GABRG3: variants seen among roughly 807,000 people sequenced by gnomAD.
The protein encoded by GABRG3 is gamma-aminobutyric acid type A receptor subunit gamma3.
In GABRG3, 25 loss-of-function variants were observed where a neutral mutation model predicts 48.8. The observed-to-expected ratio is 0.51, with a 90% CI of 0.37 to 0.72. The LOEUF is 0.72. Ranked by LOEUF, GABRG3 falls within the 30% of genes least tolerant of loss-of-function variation. The probability of loss-of-function intolerance (pLI) is 0.00; values close to 1 mark genes in which losing one functional copy is unlikely to be tolerated. For synonymous variants in GABRG3, 227 were observed against 217.6 expected, an observed-to-expected ratio of 1.04 and a Z score of -0.38; for missense variants, 394 against 577.9, an observed-to-expected ratio of 0.68 and a Z score of 3.26.
At chr15:27,155,687 C>T (rs1164244399) in intron 3 of GABRG3, among the ~76,000 whole-genome samples, 1 of 152,152 alleles carries the variant, frequency 6.6e-6, no homozygotes, top group Admixed American at 6.5e-5. Flanking sequence ...GTCTCCTAAT[C>T]ATTGCTGGAT....
At position 27,491,244 on chromosome 15, in the gene GABRG3, G is replaced by A. The variant is rs114897251; in HGVS notation, c.712+10457G>A. Among the ~76,000 whole-genome samples, 505 of 152,256 alleles carry A rather than the reference G, an allele frequency of 3.3e-3. 4 individuals carry two copies. Among genetic ancestry groups the A allele is most frequent in the African/African-American group, 0.011 (444 of 41,560 alleles). Reference sequence around the variant, plus strand: ...TGCGGCCCCTGCCTTCAGTGGCCTCGGGGCTCCCCTTCCCAGAGGGTATCC... The same window carrying A: ...TGCGGCCCCTGCCTTCAGTGGCCTCAGGGCTCCCCTTCCCAGAGGGTATCC... On this transcript the variant is annotated intron_variant, in intron 6 of 9. Transcript: ENST00000615808.
chr15:26,994,976 C>A (rs1895314132), intron 2 of GABRG3, among the ~76,000 whole-genome samples: 1 of 151,992 alleles, frequency 6.6e-6, no homozygotes, highest in Non-Finnish European at 1.5e-5. Flanking sequence ...TAAGTCTCAT[C>A]ATTTTATAGT....
chr15:27,524,878 A>G (rs1027735706), intron 7 of GABRG3, among the ~76,000 whole-genome samples: 12 of 152,172 alleles, frequency 7.9e-5, no homozygotes, highest in African/African-American at 2.9e-4. Flanking sequence ...ACTACATTCA[A>G]TGTAAATTGC....
intron 3 of GABRG3, among the ~76,000 whole-genome samples, chr15:27,177,685 A>G (rs1175215814): frequency 6.6e-6 from 1 of 152,226 alleles, no homozygotes; most frequent in Non-Finnish European, 1.5e-5. Flanking sequence ...TATAATTTTT[A>G]CAAAGACAAT....
intron 3 of GABRG3, among the ~76,000 whole-genome samples, chr15:27,177,643 T>A (rs1324810346): frequency 6.6e-6 from 1 of 152,220 alleles, no homozygotes; most frequent in Non-Finnish European, 1.5e-5. Flanking sequence ...AGAAGCAAGA[T>A]GGAGTTAACT....
intron 5 of GABRG3, among the ~76,000 whole-genome samples, chr15:27,397,235 A>G (rs1485735070): frequency 1.3e-5 from 2 of 149,974 alleles, no homozygotes; most frequent in Non-Finnish European, 2.9e-5. Flanking sequence ...TGCTGACTTG[A>G]TTTTGTAAAG....
rs377256790 is a variant in GABRG3, at chr15:27,527,401, C to T, written c.866-32C>T. The T allele has an allele frequency of 1.9e-6, 3 of 1,599,814 alleles. No homozygotes were observed. In the South Asian group the frequency reaches 3.3e-5, roughly 18 times the overall value. On this transcript the variant is annotated intron_variant, in intron 7 of 9. Transcript: ENST00000615808. Reference sequence around the variant, plus strand: ...TGGGATTCCTGTTGCGTGTTGCACCCTTTTACAACATGCTACCCGTCCCCT... The same window carrying T: ...TGGGATTCCTGTTGCGTGTTGCACCTTTTTACAACATGCTACCCGTCCCCT...
At chr15:27,452,939 A>T (rs918474916) in intron 5 of GABRG3, among the ~76,000 whole-genome samples, 2 of 152,240 alleles carry the variant, frequency 1.3e-5, no homozygotes, top group African/African-American at 4.8e-5. Flanking sequence ...GCACACACAG[A>T]CACAGGAATA....
intron 3 of GABRG3, among the ~76,000 whole-genome samples, chr15:27,082,520 G>A (rs2140745808): frequency 6.6e-6 from 1 of 152,266 alleles, no homozygotes; most frequent in Middle Eastern, 3.4e-3. Context: ...ATGACAAGGG[G>A]TGCCCTGCAT....
At chr15:27,399,033 TCTTAA>T (rs1219369009) in intron 5 of GABRG3, among the ~76,000 whole-genome samples, 1 of 152,166 alleles carries the variant, frequency 6.6e-6, no homozygotes, top group Non-Finnish European at 1.5e-5. Flanking sequence ...TGAGCTTTAG[TCTTAA>T]CTTTGAAAAT....
intron 3 of GABRG3, among the ~76,000 whole-genome samples, chr15:27,129,424 C>T (rs1897877039): frequency 6.6e-6 from 1 of 152,046 alleles, no homozygotes; most frequent in Non-Finnish European, 1.5e-5. Context: ...GTGTATATGC[C>T]ATATTTTATT....
chr15:27,448,901 C>T (rs1417407601), intron 5 of GABRG3, among the ~76,000 whole-genome samples: 1 of 151,990 alleles, frequency 6.6e-6, no homozygotes, highest in Non-Finnish European at 1.5e-5. Context: ...TCAGGGATTT[C>T]CCAAATTGTC....
intron 3 of GABRG3, among the ~76,000 whole-genome samples, chr15:27,172,336 T>G (rs529211003): frequency 6.6e-6 from 1 of 152,274 alleles, no homozygotes; most frequent in African/African-American, 2.4e-5. Context: ...TCCTTAGTTC[T>G]TAGTGTGCTT....
chr15:27,129,184 A>G (rs1897873144), intron 3 of GABRG3, among the ~76,000 whole-genome samples: 1 of 152,060 alleles, frequency 6.6e-6, no homozygotes, highest in Non-Finnish European at 1.5e-5. Context: ...TAAAACTGAA[A>G]TTTTACCTCC....
intron 3 of GABRG3, among the ~76,000 whole-genome samples, chr15:27,070,031 G>C (rs1187838946): frequency 6.6e-6 from 1 of 152,236 alleles, no homozygotes; most frequent in Non-Finnish European, 1.5e-5. Context: ...GAATTAGAGA[G>C]AGGAAGGAGA....
intron 3 of GABRG3, among the ~76,000 whole-genome samples, chr15:27,149,378 G>T (rs1023607207): frequency 6.6e-6 from 1 of 152,126 alleles, no homozygotes; most frequent in African/African-American, 2.4e-5. Flanking sequence ...TTCATGGATT[G>T]GAAGACTTAA....
intron 3 of GABRG3, among the ~76,000 whole-genome samples, chr15:27,088,958 A>G (rs1897137301): frequency 6.6e-6 from 1 of 152,168 alleles, no homozygotes. Context: ...TGCCGGGTCC[A>G]GGGCATTGAA....
intron 3 of GABRG3, among the ~76,000 whole-genome samples, chr15:27,284,533 ACAGAAC>A (rs1362046712): frequency 6.6e-6 from 1 of 152,198 alleles, no homozygotes; most frequent in African/African-American, 2.4e-5. Context: ...CACACTGTCC[ACAGAAC>A]CAGAGGAAAT....
At chr15:27,307,143 T>TA (rs1328413174) in intron 3 of GABRG3, among the ~76,000 whole-genome samples, 5 of 134,382 alleles carry the variant, frequency 3.7e-5, no homozygotes, top group African/African-American at 5.6e-5. Flanking sequence ...TGTTTATACA[T>TA]ATATAAACAT....
Sources: gnomAD v4.1 joint callset for allele counts (sites outside exome capture counted in the v4.1 genomes callset) on GRCh38, gnomAD v4.1.1 for gene constraint, MANE v1.5 for transcripts, NCBI Gene and HGNC (gene_info 2026-07-23, HGNC 2026-07-21) for gene names.